The following ROBO2 variants were observed in gnomAD, a reference collection of about 807,000 sequenced individuals.
The protein encoded by ROBO2 is roundabout guidance receptor 2.
ROBO2 carries 53 observed loss-of-function variants against 160.8 expected under a neutral mutation model. The observed-to-expected ratio is 0.33, with a 90% CI of 0.26 to 0.41. ROBO2 has a LOEUF of 0.41. ROBO2 is among the 10% of genes least tolerant of loss of function. The pLI is 1.00. For missense variants in ROBO2, 1,577 were observed against 1,722.4 expected (o/e 0.92, Z 1.49); for synonymous variants, 664 against 611.7 (o/e 1.09, Z -1.26).
Position 75,980,480 on chromosome 3 carries a change from G to T in ROBO2, c.109+42878G>T, listed in dbSNP as rs1056889121. ...TACTCTTGAAATTAAAAAAACTGTT[G>T]TGAAACAAACAAAAGTGGATAAGTT... On this transcript the variant is annotated intron_variant, in intron 2 of 26. Coordinates refer to the ROBO2 transcript ENST00000487694. Among the ~76,000 whole-genome samples, 3 of 151,170 alleles carry T rather than the reference G, an allele frequency of 2.0e-5. 1 individual carries two copies. Among genetic ancestry groups the T allele is most frequent in the Admixed American group, 1.3e-4 (2 of 15,074 alleles).
intron 2 of ROBO2, among the ~76,000 whole-genome samples, chr3:76,294,558 G>A (rs532665368): frequency 1.6e-4 from 25 of 152,248 alleles, no homozygotes; most frequent in Non-Finnish European, 2.9e-4. Flanking sequence ...TGACGTTTGT[G>A]CTTTTCTTTT....
chr3:77,216,911 A>G (rs1336977324), intron 2 of ROBO2, among the ~76,000 whole-genome samples: 2 of 152,120 alleles, frequency 1.3e-5, no homozygotes, highest in Non-Finnish European at 2.9e-5. Flanking sequence ...TGTGTCAGAT[A>G]GATTAGGGAG....
chr3:75,964,108 T>C (rs1949021700), intron 2 of ROBO2, among the ~76,000 whole-genome samples: 1 of 151,752 alleles, frequency 6.6e-6, no homozygotes. Context: ...TAATTCACTT[T>C]GTTAATAGGA....
At chr3:77,512,108 A>G (rs1442427512) in intron 5 of ROBO2, among the ~76,000 whole-genome samples, 1 of 151,936 alleles carries the variant, frequency 6.6e-6, no homozygotes, top group Non-Finnish European at 1.5e-5. Context: ...AGTCTGTACC[A>G]ACAAAATAAT....
intron 2 of ROBO2, among the ~76,000 whole-genome samples, chr3:75,988,521 T>C (rs1399409947): frequency 6.6e-6 from 1 of 152,112 alleles, no homozygotes; most frequent in Non-Finnish European, 1.5e-5. Context: ...CTACATCTGC[T>C]GCCTTTGGGT....
chr3:77,117,701 T>C (rs1305606321), intron 2 of ROBO2, among the ~76,000 whole-genome samples: 2 of 152,222 alleles, frequency 1.3e-5, no homozygotes, highest in Non-Finnish European at 2.9e-5. Flanking sequence ...AATTAATAGA[T>C]TGTGGCAGAG....
chr3:76,140,716 G>A (rs563627179), intron 2 of ROBO2, among the ~76,000 whole-genome samples: 1 of 151,754 alleles, frequency 6.6e-6, no homozygotes, highest in East Asian at 2.0e-4. Flanking sequence ...GGCAGTACTA[G>A]GGAGAATACT....
chr3:76,749,749 G>A (rs544264352), intron 2 of ROBO2, among the ~76,000 whole-genome samples: 8 of 152,202 alleles, frequency 5.3e-5, no homozygotes, highest in South Asian at 4.1e-4. Context: ...CATCAAAAAC[G>A]TATACTGAGA....
intron 2 of ROBO2, among the ~76,000 whole-genome samples, chr3:77,219,482 AT>A (rs1403417746): frequency 1.4e-4 from 18 of 124,588 alleles, no homozygotes; most frequent in African/African-American, 4.8e-4. Context: ...ATATATATAT[AT>A]AATCTGTATA....
At chr3:77,143,541 A>G (rs911656832) in intron 2 of ROBO2, among the ~76,000 whole-genome samples, 1 of 152,066 alleles carries the variant, frequency 6.6e-6, no homozygotes, top group Non-Finnish European at 1.5e-5. Context: ...CAACTCATCC[A>G]TTTAAAGTGT....
intron 2 of ROBO2, among the ~76,000 whole-genome samples, chr3:76,365,009 C>A (rs2075731357): frequency 1.3e-5 from 2 of 152,018 alleles, no homozygotes. Flanking sequence ...ACTCTGTTTT[C>A]TTTGTGAACT....
chr3:77,569,339 T>A (rs550944211), intron 13 of ROBO2, among the ~76,000 whole-genome samples: 41 of 152,182 alleles, frequency 2.7e-4, no homozygotes, highest in African/African-American at 9.9e-4. Context: ...CAACACTTAT[T>A]ATCATCTGCC....
chr3:77,562,972 A>G lies in ROBO2; in HGVS notation c.1520-195A>G, dbSNP rs17773805. Among the ~76,000 whole-genome samples the G allele has an allele frequency of 0.028, 4,201 of 152,260 alleles. 77 individuals carry two copies. Among genetic ancestry groups the G allele is most frequent in the South Asian group, 0.05 (242 of 4,830 alleles). ...TTCCTCTGAAGTGTAAGGAATTCTAATGATCCTATGTAAAAACACAGCTTA... is the reference window on the plus strand; with the variant it reads ...TTCCTCTGAAGTGTAAGGAATTCTAGTGATCCTATGTAAAAACACAGCTTA... On this transcript the variant is annotated intron_variant, in intron 10 of 25. Coordinates refer to ENST00000461745, the Ensembl canonical transcript of ROBO2.
rs72890333 is a variant in ROBO2, at chr3:75,984,550, T to G, written c.109+46948T>G. 4.0e-3 allele frequency among the ~76,000 whole-genome samples: 603 copies of G among 151,608 alleles called. 5 individuals are homozygous for G. The highest frequency in any genetic ancestry group is 0.014 in the African/African-American group (584 of 41,508). ...AATAAATTTGTAGCATAAATTTAAATTTTTATACTATAGTCATTAACTGGA... is the reference window on the plus strand; with the variant it reads ...AATAAATTTGTAGCATAAATTTAAAGTTTTATACTATAGTCATTAACTGGA... On this transcript the variant is annotated intron_variant, in intron 2 of 26. Coordinates refer to the ROBO2 transcript ENST00000487694.
At position 76,301,236 on chromosome 3, in the gene ROBO2, C is replaced by T. The variant is rs372708677; in HGVS notation, c.109+363634C>T. 8.6e-5 allele frequency among the ~76,000 whole-genome samples: 13 copies of T among 151,972 alleles called. No homozygotes were observed. The East Asian group carries it at 2.5e-3, about 29-fold the overall frequency. On this transcript the variant is annotated intron_variant, in intron 2 of 26. Transcript: ENST00000487694. ...AGCCTGAAGGTGATTTTAGGGATGACACTAAAGGGGTAAAAGCAGCTATTT... is the reference window on the plus strand; with the variant it reads ...AGCCTGAAGGTGATTTTAGGGATGATACTAAAGGGGTAAAAGCAGCTATTT...
chr3:77,343,061 A>G (rs2067236532), intron 2 of ROBO2, among the ~76,000 whole-genome samples: 1 of 68,788 alleles, frequency 1.5e-5, no homozygotes, highest in Admixed American at 1.5e-4. Context: ...GTAGATGGAG[A>G]GAGAGAGAGA....
chr3:76,093,890 C>T (rs2069332024), intron 2 of ROBO2, among the ~76,000 whole-genome samples: 1 of 152,008 alleles, frequency 6.6e-6, no homozygotes, highest in South Asian at 2.1e-4. Context: ...CTTGGTCAGC[C>T]TCATAAGTAT....
intron 2 of ROBO2, among the ~76,000 whole-genome samples, chr3:76,146,702 G>GTGCA: frequency 6.7e-6 from 1 of 148,878 alleles, no homozygotes; most frequent in African/African-American, 2.5e-5. Flanking sequence ...CATAGGGTGT[G>GTGCA]TGTGTGTGTG....
At chr3:77,083,880 C>T (rs749244111) in intron 1 of ROBO2, among the ~76,000 whole-genome samples, 3 of 151,944 alleles carry the variant, frequency 2.0e-5, no homozygotes, top group Non-Finnish European at 4.4e-5. Flanking sequence ...GGTGGTCACC[C>T]GAACAAAGCC....
Sources: gnomAD v4.1 joint callset for allele counts (sites outside exome capture counted in the v4.1 genomes callset) on GRCh38, gnomAD v4.1.1 for gene constraint, MANE v1.5 for transcripts, NCBI Gene and HGNC (gene_info 2026-07-23, HGNC 2026-07-21) for gene names.